SHANK2: variants seen among roughly 807,000 people sequenced by gnomAD.
SHANK2 encodes the protein SH3 and multiple ankyrin repeat domains protein 2.
Under a neutral mutation model 133.7 loss-of-function variants are expected in SHANK2, and 43 were observed. That is an observed-to-expected ratio of 0.32 (90% CI 0.25 to 0.41). The LOEUF (loss-of-function observed/expected upper bound fraction) is 0.41, where lower values mean the gene tolerates loss of function less well. SHANK2 is among the 10% of genes least tolerant of loss of function. The probability of loss-of-function intolerance (pLI) is 1.00; values close to 1 mark genes in which losing one functional copy is unlikely to be tolerated. For synonymous variants in SHANK2, 1,017 were observed against 952.8 expected (o/e 1.07, Z -1.24); for missense variants, 1,994 against 2,235.8 (o/e 0.89, Z 2.18).
At chr11:70,699,262 C>T (rs1267451018) in intron 14 of SHANK2, among the ~76,000 whole-genome samples, 3 of 146,942 alleles carry the variant, frequency 2.0e-5, no homozygotes, top group East Asian at 3.9e-4. Context: ...AAAAAAAAAG[C>T]ACCAAACCCA....
Position 70,605,255 on chromosome 11 carries a change from C to T in SHANK2, c.2061+54573G>A, listed in dbSNP as rs1420281720. Reference sequence around the variant, plus strand: ...TCCCTGCTAGGCCTGGCCACTCCATCGTTGTGAGCCCCGGGGGTGGGAACA... The same window carrying T: ...TCCCTGCTAGGCCTGGCCACTCCATTGTTGTGAGCCCCGGGGGTGGGAACA... On this transcript the variant is annotated intron_variant, in intron 17 of 25. Coordinates refer to ENST00000601538, the MANE Select transcript of SHANK2 (RefSeq NM_012309.5). Among the ~76,000 whole-genome samples, 3 of 152,378 alleles carry T rather than the reference C, an allele frequency of 2.0e-5. No individual in the cohort carries two copies. The East Asian group carries it at 5.8e-4, about 29-fold the overall frequency.
At chr11:71,153,140 C>G (rs1393415202) in intron 2 of SHANK2, among the ~76,000 whole-genome samples, 1 of 152,050 alleles carries the variant, frequency 6.6e-6, no homozygotes, top group African/African-American at 2.4e-5. Context: ...ACCAGCACGC[C>G]GGGAGGCTCC....
At chr11:71,070,601 G>A (rs1951130507) in intron 9 of SHANK2, among the ~76,000 whole-genome samples, 1 of 152,098 alleles carries the variant, frequency 6.6e-6, no homozygotes, top group Non-Finnish European at 1.5e-5. Flanking sequence ...AGACAAATGG[G>A]GGAGAGGAGG....
chr11:70,519,330 C>G (rs547021559), intron 17 of SHANK2, among the ~76,000 whole-genome samples: 39 of 152,260 alleles, frequency 2.6e-4, no homozygotes, highest in African/African-American at 8.9e-4. Flanking sequence ...GTGAATGAGT[C>G]ACTTCTTTCA....
chr11:70,724,280 C>T (rs1361802383), intron 14 of SHANK2, among the ~76,000 whole-genome samples: 1 of 152,296 alleles, frequency 6.6e-6, no homozygotes, highest in East Asian at 1.9e-4. Flanking sequence ...AAATGATCCA[C>T]CTGCCTCAGC....
upstream of SHANK2, among the ~76,000 whole-genome samples, chr11:71,252,890 C>T (rs955757979): frequency 6.6e-6 from 1 of 152,210 alleles, no homozygotes; most frequent in Non-Finnish European, 1.5e-5. The surrounding 1 kb of genome is among the most constrained non-coding windows in gnomAD (Gnocchi z 6.3). Context: ...CGAGAAAGTC[C>T]CTGATTTTTG....
chr11:70,640,053 G>C (rs1286342331), intron 17 of SHANK2, among the ~76,000 whole-genome samples: 1 of 152,258 alleles, frequency 6.6e-6, no homozygotes, highest in Non-Finnish European at 1.5e-5. Flanking sequence ...CAGCTGGGAT[G>C]TGTCGCCAAT....
intron 8 of SHANK2, among the ~76,000 whole-genome samples, chr11:71,078,953 C>T (rs889476863): frequency 6.6e-6 from 1 of 152,252 alleles, no homozygotes; most frequent in African/African-American, 2.4e-5. Context: ...ACCATCCTGC[C>T]CTTGAATTCT....
intron 2 of SHANK2, among the ~76,000 whole-genome samples, chr11:71,160,235 C>T (rs34165844): frequency 2.6e-5 from 4 of 152,128 alleles, no homozygotes; most frequent in Non-Finnish European, 5.9e-5. Flanking sequence ...GGGACTGCTC[C>T]GGAGGCTCCT....
At chr11:70,796,367 G>A (rs1555049168) in intron 14 of SHANK2, among the ~76,000 whole-genome samples, 1 of 152,224 alleles carries the variant, frequency 6.6e-6, no homozygotes, top group African/African-American at 2.4e-5. Flanking sequence ...CTCCAGGACT[G>A]CCCCATCCAG....
At chr11:70,719,562 T>G (rs1946031300) in intron 14 of SHANK2, among the ~76,000 whole-genome samples, 1 of 152,038 alleles carries the variant, frequency 6.6e-6, no homozygotes, top group Admixed American at 6.6e-5. Context: ...GGATCCTGGT[T>G]TCTGTGGCCC....
chr11:70,767,805 C>T (rs541976647), intron 14 of SHANK2, among the ~76,000 whole-genome samples: 1 of 152,202 alleles, frequency 6.6e-6, no homozygotes, highest in South Asian at 2.1e-4. Context: ...TATCTAAATG[C>T]CACAGGATTT....
intron 14 of SHANK2, among the ~76,000 whole-genome samples, chr11:70,749,374 C>G (rs2134880189): frequency 6.6e-6 from 1 of 152,330 alleles, no homozygotes; most frequent in African/African-American, 2.4e-5. Context: ...ACTTTAACCA[C>G]TGAAGGCAAG....
chr11:70,490,744 A>G (rs1277884764), intron 22 of SHANK2, among the ~76,000 whole-genome samples: 2 of 152,234 alleles, frequency 1.3e-5, no homozygotes, highest in Non-Finnish European at 2.9e-5. Flanking sequence ...GAAAGGGCAC[A>G]GCGTGGTGGG....
intron 17 of SHANK2, among the ~76,000 whole-genome samples, chr11:70,537,583 T>A (rs1349636745): frequency 6.6e-6 from 1 of 152,200 alleles, no homozygotes; most frequent in African/African-American, 2.4e-5. Flanking sequence ...CTGCCACACC[T>A]GGCTGCAGCC....
intron 17 of SHANK2, among the ~76,000 whole-genome samples, chr11:70,641,808 A>G (rs1052340664): frequency 6.6e-6 from 1 of 152,128 alleles, no homozygotes; most frequent in African/African-American, 2.4e-5. Context: ...ACGGACACAC[A>G]ATGTCTAAAA....
chr11:71,234,402 T>TAAATAAAAAAAA (rs1471555760), intron 1 of SHANK2, among the ~76,000 whole-genome samples: 1 of 148,966 alleles, frequency 6.7e-6, no homozygotes, highest in East Asian at 1.9e-4. Context: ...AATAAATAAA[T>TAAATAAAAAAAA]AACAACAAAA....
At chr11:70,781,558 T>TTATATATATATATATCTATATATA (rs1947492403) in intron 14 of SHANK2, among the ~76,000 whole-genome samples, 1 of 28,970 alleles carries the variant, frequency 3.5e-5, no homozygotes, top group Non-Finnish European at 6.5e-5. Context: ...TACTTACTTA[T>TTATATATATATATATCTATATATA]TATATATATA....
At chr11:70,899,859 G>A (rs564762457) in intron 10 of SHANK2, among the ~76,000 whole-genome samples, 1 of 152,330 alleles carries the variant, frequency 6.6e-6, no homozygotes, top group East Asian at 1.9e-4. Flanking sequence ...GGAGGGATGC[G>A]GCCCCAGAGG....
Sources: allele counts gnomAD v4.1 joint callset (sites outside exome capture counted in the v4.1 genomes callset), GRCh38; gene constraint gnomAD v4.1.1; non-coding constraint Gnocchi (gnomAD v3.1); transcripts MANE v1.5; gene names NCBI Gene and HGNC (gene_info 2026-07-23, HGNC 2026-07-21).